The following TAF4B variants were observed in gnomAD, a reference collection of about 807,000 sequenced individuals.
TAF4B encodes the protein transcription initiation factor TFIID subunit 4B.
In TAF4B, 38 loss-of-function variants were observed where a neutral mutation model predicts 86.4. The observed-to-expected ratio is 0.44, with a 90% confidence interval of 0.34 to 0.58. The LOEUF is 0.58. Ranked by LOEUF, TAF4B falls within the 20% of genes least tolerant of loss-of-function variation. The probability of loss-of-function intolerance (pLI) is 0.02; values close to 1 mark genes in which losing one functional copy is unlikely to be tolerated. For synonymous variants in TAF4B, 388 were observed against 391.2 expected (o/e 0.99, Z 0.10); for missense variants, 988 against 1,027.6 (o/e 0.96, Z 0.53).
chr18:26,232,257 G>A (rs754615581), intron 1 of TAF4B, among the ~76,000 whole-genome samples: 12 of 152,094 alleles, frequency 7.9e-5, no homozygotes, highest in Non-Finnish European at 1.3e-4. Context: ...CCCAGCTGCT[G>A]TTGGGAATTG....
chr18:26,262,922 C>T (rs1598737156), intron 1 of TAF4B, among the ~76,000 whole-genome samples: 1 of 152,070 alleles, frequency 6.6e-6, no homozygotes, highest in East Asian at 1.9e-4. Context: ...TTGTCTGTGC[C>T]TCCTTTTGAC....
At chr18:26,283,848 C>T (rs1000278813) in intron 6 of TAF4B, among the ~76,000 whole-genome samples, 15 of 152,096 alleles carry the variant, frequency 9.9e-5, no homozygotes, top group South Asian at 2.1e-4. Context: ...GTCAGGAGTT[C>T]GAGACCAGCC....
Position 26,389,924 on chromosome 18 carries a change from G to GA in TAF4B, c.2503dup (p.Ile835AsnfsTer54). The GA allele has an allele frequency of 6.2e-7, 1 of 1,614,138 alleles. No homozygotes were observed. The highest frequency in any genetic ancestry group is 8.5e-7 in the Non-Finnish European group (1 of 1,179,984). ...CAGTTGCATCGTCCAAGAATCACGA[G>GA]AATCTGCCTCAGGGACTTGATATTT... On this transcript the variant is annotated frameshift_variant, in exon 15 of 15. Transcript: ENST00000269142. LOFTEE classifies it high-confidence loss of function.
intron 14 of TAF4B, among the ~76,000 whole-genome samples, chr18:26,365,488 G>A (rs2057365795): frequency 6.6e-6 from 1 of 152,202 alleles, no homozygotes; most frequent in Admixed American, 6.5e-5. Context: ...TCTTGGAGAG[G>A]AGGGATGGTA....
At chr18:26,381,286 G>C (rs1412683346) in intron 14 of TAF4B, among the ~76,000 whole-genome samples, 2 of 151,784 alleles carry the variant, frequency 1.3e-5, no homozygotes, top group Admixed American at 1.3e-4. Flanking sequence ...AAGTGCTGGG[G>C]TAACAGGCGT....
Position 26,267,615 on chromosome 18 carries a change from T to G in TAF4B, c.589T>G (p.Ser197Ala), listed in dbSNP as rs765273694. Reference sequence around the variant, plus strand: ...GGTAACCACTGTTCCGAAGCCTTCCTCAGTACAAGTAAGTTGTGCTGGCCA... The same window carrying G: ...GGTAACCACTGTTCCGAAGCCTTCCGCAGTACAAGTAAGTTGTGCTGGCCA... ...TVVTTVPKPSSVQSVAVPTSV... is the reference protein window; with the variant it reads ...TVVTTVPKPSAVQSVAVPTSV... Residue 197 changes from serine to alanine, a missense_variant, in exon 3 of 15, where the codon TCA (serine) becomes GCA (alanine). By Grantham distance (99) the Ser-to-Ala change is moderately conservative. Transcript: ENST00000269142. The G allele has an allele frequency of 1.2e-6, 2 of 1,612,544 alleles. No individual in the cohort carries two copies. Among genetic ancestry groups the G allele is most frequent in the Non-Finnish European group, 1.7e-6 (2 of 1,178,694 alleles).
At chr18:26,259,543 T>C (rs573538071) in intron 1 of TAF4B, among the ~76,000 whole-genome samples, 26 of 152,276 alleles carry the variant, frequency 1.7e-4, no homozygotes, top group African/African-American at 6.0e-4. Flanking sequence ...GTTTGGTTTT[T>C]TGTCCTTACA....
At chr18:26,358,367 T>G (rs1418713321) in intron 14 of TAF4B, among the ~76,000 whole-genome samples, 1 of 152,224 alleles carries the variant, frequency 6.6e-6, no homozygotes, top group African/African-American at 2.4e-5. Context: ...CTTAATTGTT[T>G]GGTTAACACC....
At chr18:26,327,529 C>G (rs545619545) in intron 12 of TAF4B, among the ~76,000 whole-genome samples, 94 of 152,212 alleles carry the variant, frequency 6.2e-4, no homozygotes, top group African/African-American at 2.2e-3. Context: ...GAACAAAATA[C>G]AGGCTGGGTG....
intron 1 of TAF4B, among the ~76,000 whole-genome samples, chr18:26,239,254 G>A (rs1279138462): frequency 6.6e-6 from 1 of 152,104 alleles, no homozygotes; most frequent in African/African-American, 2.4e-5. Context: ...AGCACCTGTT[G>A]TTTCCTGACT....
At chr18:26,389,716 AT>A (rs1416535751) in intron 14 of TAF4B, 128 bp from the exon 15 acceptor site, 2 of 942,886 alleles carry the variant, frequency 2.1e-6, no homozygotes, top group African/African-American at 3.3e-5. Flanking sequence ...TTAGGTCTTC[AT>A]CATTACATTA....
chr18:26,355,900 C>G (rs2057285397), intron 13 of TAF4B, among the ~76,000 whole-genome samples: 1 of 152,126 alleles, frequency 6.6e-6, no homozygotes, highest in Non-Finnish European at 1.5e-5. Context: ...TTTATAACTT[C>G]TGAAAACACT....
At chr18:26,294,329 A>G (rs756448245) in intron 9 of TAF4B, among the ~76,000 whole-genome samples, 4 of 151,976 alleles carry the variant, frequency 2.6e-5, no homozygotes, top group Admixed American at 1.3e-4. Flanking sequence ...TAATAGGTGT[A>G]TAAGTGGTTA....
intron 14 of TAF4B, among the ~76,000 whole-genome samples, chr18:26,386,321 TTC>T: frequency 6.6e-6 from 1 of 152,328 alleles, no homozygotes; most frequent in East Asian, 1.9e-4. Flanking sequence ...TATTTTTTTT[TTC>T]TGTTTGACAA....
At position 26,357,780 on chromosome 18, in the gene TAF4B, G is replaced by T; in HGVS notation, c.2407G>T (p.Glu803Ter). 6.2e-7 allele frequency: 1 copy of T among 1,607,484 alleles called. No individual in the cohort carries two copies. Among genetic ancestry groups the T allele is most frequent in the South Asian group, 1.1e-5 (1 of 90,160 alleles). ...TGGACCAAGGAAGAAGAGACCACTAGAATCTGGAATTGAGGTATTGAAATA... is the reference window on the plus strand; with the variant it reads ...TGGACCAAGGAAGAAGAGACCACTATAATCTGGAATTGAGGTATTGAAATA... ...AIGPRKKRPL[E>*]SGIEGLKDNL... Residue 803 changes from glutamate (E) to a stop codon, truncating the protein, a stop_gained, in exon 14 of 15, where the codon GAA becomes TAA. Coordinates refer to ENST00000269142, the MANE Select transcript of TAF4B (RefSeq NM_005640.3). LOFTEE classifies it high-confidence loss of function.
intron 11 of TAF4B, among the ~76,000 whole-genome samples, chr18:26,322,265 ATTATT>A (rs889280355): frequency 6.6e-6 from 1 of 152,102 alleles, no homozygotes; most frequent in Non-Finnish European, 1.5e-5. Flanking sequence ...GAGGAATCAT[ATTATT>A]TTATTTTTTT....
At chr18:26,315,442 T>C in intron 10 of TAF4B, 44 bp downstream of exon 10, 1 of 1,448,586 alleles carries the variant, frequency 6.9e-7, no homozygotes, top group Non-Finnish European at 9.2e-7. Context: ...AGATGTCTGT[T>C]TGAGGGAAAA....
intron 9 of TAF4B, chr18:26,295,232 C>A (rs1278516991): frequency 4.9e-6 from 2 of 406,344 alleles, no homozygotes; most frequent in East Asian, 1.6e-4. Context: ...TGTTCACCAT[C>A]GGTCTTTTTT....
intron 14 of TAF4B, among the ~76,000 whole-genome samples, chr18:26,367,701 T>C (rs185477135): frequency 2.8e-4 from 43 of 152,232 alleles, no homozygotes; most frequent in Non-Finnish European, 5.1e-4. Flanking sequence ...CATAGACATT[T>C]TCCCATACTG....
Sources: allele counts gnomAD v4.1 joint callset (sites outside exome capture counted in the v4.1 genomes callset), GRCh38; gene constraint gnomAD v4.1.1; transcripts MANE v1.5; gene names NCBI Gene and HGNC (gene_info 2026-07-23, HGNC 2026-07-21).